Variants in RBMS1 observed in about 807,000 individuals in gnomAD.
RBMS1 encodes RNA binding motif single stranded interacting protein 1, also known as RNA-binding motif, single-stranded-interacting protein 1.
RBMS1 carries 17 observed loss-of-function variants against 62.3 expected under a neutral mutation model. That is an observed-to-expected ratio of 0.27 (90% CI 0.19 to 0.41). The LOEUF (loss-of-function observed/expected upper bound fraction) is 0.41. Ranked by LOEUF, RBMS1 falls within the 10% of genes least tolerant of loss-of-function variation. RBMS1 has a pLI of 1.00. For missense variants in RBMS1, 334 were observed against 504.5 expected (o/e 0.66, Z 3.24); for synonymous variants, 172 against 170.0 (o/e 1.01, Z -0.09).
At chr2:160,372,636 G>T (rs1693786484) in intron 1 of RBMS1, among the ~76,000 whole-genome samples, 1 of 152,196 alleles carries the variant, frequency 6.6e-6, no homozygotes, top group Non-Finnish European at 1.5e-5. Flanking sequence ...TTATCAAAAA[G>T]GAATGAGGGG....
chr2:160,415,499 A>G (rs1018315800), intron 1 of RBMS1, among the ~76,000 whole-genome samples: 2 of 152,122 alleles, frequency 1.3e-5, no homozygotes, highest in Non-Finnish European at 2.9e-5. Context: ...TAAAAAAAAA[A>G]TTGTGGAAAA....
chr2:160,276,359 CCACCACCACCAA>C (rs926890858), intron 12 of RBMS1, among the ~76,000 whole-genome samples: 12 of 151,748 alleles, frequency 7.9e-5, no homozygotes, highest in African/African-American at 2.7e-4. Context: ...ACCACCACCA[CCACCACCACCAA>C]CACCTACTAC....
chr2:160,386,395 G>T (rs930234616), intron 1 of RBMS1, among the ~76,000 whole-genome samples: 1 of 152,138 alleles, frequency 6.6e-6, no homozygotes, highest in African/African-American at 2.4e-5. Context: ...ACTTAGCCAG[G>T]CATGGTGGCG....
intron 2 of RBMS1, among the ~76,000 whole-genome samples, chr2:160,350,291 T>C (rs1220475523): frequency 6.6e-6 from 1 of 152,076 alleles, no homozygotes; most frequent in Non-Finnish European, 1.5e-5. Context: ...TCCAAGATCA[T>C]TTAGGAAGCA....
chr2:160,446,337 G>A (rs534724943), intron 1 of RBMS1, among the ~76,000 whole-genome samples: 7 of 152,274 alleles, frequency 4.6e-5, no homozygotes, highest in Non-Finnish European at 8.8e-5. Context: ...AGGATTGGCC[G>A]ATTGCTCTTC....
intron 2 of RBMS1, among the ~76,000 whole-genome samples, chr2:160,363,198 C>T (rs1693222429): frequency 6.6e-6 from 1 of 152,102 alleles, no homozygotes; most frequent in Non-Finnish European, 1.5e-5. Context: ...CTCTGGGATA[C>T]CAAACCCAGC....
chr2:160,383,460 G>C (rs988758665), intron 1 of RBMS1, among the ~76,000 whole-genome samples: 2 of 149,662 alleles, frequency 1.3e-5, no homozygotes, highest in Non-Finnish European at 3.0e-5. Flanking sequence ...AATTGGGGGG[G>C]GGGGAACTGA....
intron 6 of RBMS1, among the ~76,000 whole-genome samples, chr2:160,295,490 C>G (rs917109698): frequency 1.4e-4 from 21 of 152,216 alleles, no homozygotes; most frequent in Admixed American, 1.3e-4. Context: ...AAAAACTGTA[C>G]CCCTGCAGTA....
At chr2:160,306,283 TTC>T (rs1689518023) in intron 4 of RBMS1, among the ~76,000 whole-genome samples, 1 of 152,192 alleles carries the variant, frequency 6.6e-6, no homozygotes, top group African/African-American at 2.4e-5. Context: ...TTTTAGTTGC[TTC>T]TGTTATTAAA....
chr2:160,484,452 G>A (rs10176803), intron 1 of RBMS1, among the ~76,000 whole-genome samples: 74,985 of 151,052 alleles, frequency 0.5, 19,141 homozygotes, highest in Admixed American at 0.58. Context: ...CCGAGATCGC[G>A]CCACTGCACT....
intron 1 of RBMS1, among the ~76,000 whole-genome samples, chr2:160,410,846 C>T (rs940555596): frequency 2.6e-5 from 4 of 152,180 alleles, no homozygotes; most frequent in Non-Finnish European, 5.9e-5. Context: ...CGGGTTCCAG[C>T]GATTCTTCTG....
intron 1 of RBMS1, among the ~76,000 whole-genome samples, chr2:160,392,575 G>A (rs770196518): frequency 7.2e-5 from 11 of 151,840 alleles, no homozygotes; most frequent in Non-Finnish European, 1.6e-4. Flanking sequence ...AATTCCATTA[G>A]TACTATTTTC....
At chr2:160,350,057 G>C (rs1209786902) in intron 2 of RBMS1, among the ~76,000 whole-genome samples, 1 of 152,008 alleles carries the variant, frequency 6.6e-6, no homozygotes, top group African/African-American at 2.4e-5. Context: ...AAACACCAAG[G>C]AGTCCACTAT....
Position 160,367,245 on chromosome 2 carries a change from G to C in RBMS1, c.222C>G (p.Thr74=), listed in dbSNP as rs756456331. The change falls in exon 2 of 14, where the codon ACC becomes ACG. Residue 74 remains threonine, a synonymous_variant. Coordinates refer to ENST00000348849, the MANE Select transcript of RBMS1 (RefSeq NM_016836.4). ...LYIRGLPPHT[T]DQDLVKLCQP... is the part of the protein sequence containing the mutation. The stretch of plus-strand genomic sequence containing the variant: ...GACAGAGCTTCACCAGGTCCTGGTC[G>C]GTGGTGTGGGGAGGCAGTCCTCGGA... 1.2e-6 allele frequency: 2 copies of C among 1,613,786 alleles called. No individual in the cohort carries two copies. Among genetic ancestry groups the C allele is most frequent in the Non-Finnish European group, 1.7e-6 (2 of 1,179,986 alleles).
intron 1 of RBMS1, among the ~76,000 whole-genome samples, chr2:160,449,136 G>C (rs886545411): frequency 6.6e-6 from 1 of 151,604 alleles, no homozygotes; most frequent in Admixed American, 6.6e-5. Context: ...CCCTCCGCCC[G>C]GCAGCCGCCC....
At chr2:160,343,161 C>T (rs570519900) in intron 2 of RBMS1, among the ~76,000 whole-genome samples, 3 of 152,132 alleles carry the variant, frequency 2.0e-5, no homozygotes, top group Admixed American at 6.5e-5. Context: ...CAAGGAGGGG[C>T]AACTGCAGAG....
rs1056033412 is a variant in RBMS1 at position 160,493,572 on chromosome 2, TTCCTCC to T, written c.-215_-210del. 1,688 of 422,284 alleles carry T rather than the reference TTCCTCC, an allele frequency of 4.0e-3. 26 individuals are homozygous for T. Among genetic ancestry groups the T allele is most frequent in the African/African-American group, 0.037 (1,330 of 35,724 alleles). The allele number at this position is 422,284 out of a possible 1,614,324, so 26.2% of individuals were successfully genotyped here. A position where few individuals can be genotyped will look rare whatever the true frequency, so the allele number is the denominator to read the frequency against. On this transcript the variant is annotated 5_prime_UTR_variant, in exon 1 of 14. Transcript: ENST00000348849. ...CCTCCTCCTCCTCCTCCTCCTCCTCTTCCTCCTCCTCCTCCTCCTCCCAGGCAGAAA... is the reference window on the plus strand; with the variant it reads ...CCTCCTCCTCCTCCTCCTCCTCCTCTTCCTCCTCCTCCTCCCAGGCAGAAA...
At chr2:160,280,796 A>C in intron 10 of RBMS1, among the ~76,000 whole-genome samples, 1 of 123,952 alleles carries the variant, frequency 8.1e-6, no homozygotes, top group Non-Finnish European at 1.9e-5. Flanking sequence ...ACACTATATA[A>C]TAAGTATAAC....
intron 1 of RBMS1, among the ~76,000 whole-genome samples, chr2:160,397,278 T>G (rs1350056822): frequency 6.6e-6 from 1 of 152,054 alleles, no homozygotes; most frequent in East Asian, 1.9e-4. Context: ...ATCTTTTTTA[T>G]TTTATAGAAT....
Sources: gnomAD v4.1 joint callset for allele counts (sites outside exome capture counted in the v4.1 genomes callset) on GRCh38, gnomAD v4.1.1 for gene constraint, MANE v1.5 for transcripts, NCBI Gene and HGNC (gene_info 2026-07-23, HGNC 2026-07-21) for gene names.